EDA: variants seen among roughly 807,000 people sequenced by gnomAD.
EDA encodes ectodysplasin A, also known as ectodysplasin-A.
A neutral mutation model predicts 23.6 loss-of-function variants in EDA; 2 were observed. That is an observed-to-expected ratio of 0.08 (90% CI 0.03 to 0.27). The LOEUF is 0.27. EDA is among the 10% of genes least tolerant of loss of function. The pLI, the probability that EDA is intolerant of heterozygous loss-of-function variation, is 1.00. For synonymous variants in EDA, 131 were observed against 132.0 expected (o/e 0.99, Z 0.05); for missense variants, 229 against 324.2 (o/e 0.71, Z 2.26).
At chrX:69,899,544 T>G (rs866645862) in intron 1 of EDA, among the ~76,000 whole-genome samples, 2 of 106,646 alleles carry the variant, frequency 1.9e-5, no homozygotes, top group Non-Finnish European at 4.0e-5. Context: ...GTGTGTGTGT[T>G]TGTGTGCGTG....
At chrX:70,034,848 G>A (rs989080833) in intron 7 of EDA, among the ~76,000 whole-genome samples, 1 of 111,902 alleles carries the variant, frequency 8.9e-6, no homozygotes, top group Non-Finnish European at 1.9e-5. Context: ...GGGAGGGGTG[G>A]TGCAAGCTGA....
At chrX:69,699,166 G>A (rs1202149969) in intron 1 of EDA, among the ~76,000 whole-genome samples, 1 of 111,073 alleles carries the variant, frequency 9.0e-6, no homozygotes, top group Admixed American at 9.5e-5. Flanking sequence ...GAGGACAAGT[G>A]AGAATAGGGT....
At chrX:69,903,965 C>T (rs1282444210) in intron 1 of EDA, among the ~76,000 whole-genome samples, 1 of 109,507 alleles carries the variant, frequency 9.1e-6, no homozygotes, top group Non-Finnish European at 1.9e-5. Context: ...CGCCCACCAC[C>T]ATGCCTGGCT....
intron 1 of EDA, among the ~76,000 whole-genome samples, chrX:69,688,045 G>A (rs1020892343): frequency 9.0e-6 from 1 of 111,513 alleles, no homozygotes; most frequent in African/African-American, 3.3e-5. Context: ...GGGGGCCTTT[G>A]TACCCTACCC....
At chrX:69,685,312 C>A (rs759297004) in intron 1 of EDA, among the ~76,000 whole-genome samples, 1 of 112,093 alleles carries the variant, frequency 8.9e-6, no homozygotes, top group African/African-American at 3.2e-5. Context: ...TCCCTTGGAG[C>A]CAGTTAGCAA....
At chrX:69,755,134 C>T (rs187915820) in intron 1 of EDA, among the ~76,000 whole-genome samples, 15 of 111,754 alleles carry the variant, frequency 1.3e-4, no homozygotes, top group South Asian at 3.7e-4. Flanking sequence ...GGAGAAGAGG[C>T]GCTCTGATTT....
chrX:69,670,869 C>T (rs995011998), intron 1 of EDA, among the ~76,000 whole-genome samples: 2 of 111,520 alleles, frequency 1.8e-5, no homozygotes, highest in Non-Finnish European at 3.8e-5. Flanking sequence ...TGCTGAATTT[C>T]CTTAACATTA....
At chrX:69,881,560 C>G (rs189994721) in intron 1 of EDA, among the ~76,000 whole-genome samples, 2 of 112,053 alleles carry the variant, frequency 1.8e-5, no homozygotes, top group Non-Finnish European at 3.8e-5. Context: ...ATTCCTCAGC[C>G]AGATCCTTGG....
intron 6 of EDA, among the ~76,000 whole-genome samples, chrX:70,030,740 G>A (rs1380381978): frequency 2.7e-5 from 3 of 112,634 alleles, no homozygotes; most frequent in Non-Finnish European, 5.6e-5. Flanking sequence ...CACTGATGAC[G>A]GAGCTGAAAG....
At chrX:69,668,082 A>G in intron 1 of EDA, among the ~76,000 whole-genome samples, 1 of 112,170 alleles carries the variant, frequency 8.9e-6, no homozygotes, top group Non-Finnish European at 1.9e-5. Flanking sequence ...AAACAATATC[A>G]GGATCCTTCT....
At chrX:69,707,004 G>T (rs765905306) in intron 1 of EDA, among the ~76,000 whole-genome samples, 4 of 111,147 alleles carry the variant, frequency 3.6e-5, no homozygotes, top group Non-Finnish European at 3.8e-5. Flanking sequence ...GGCAGAGGAG[G>T]ATAAAGAGAA....
chrX:70,023,029 T>C (rs1454530708), intron 2 of EDA, 189 bp from the exon 3 acceptor site: 1 of 318,463 alleles, frequency 3.1e-6, no homozygotes, highest in Non-Finnish European at 5.7e-6. Context: ...GAAACTTTTG[T>C]GGCCTCAGGA....
intron 4 of EDA, among the ~76,000 whole-genome samples, chrX:70,028,679 T>A (rs2020154815): frequency 8.9e-6 from 1 of 112,792 alleles, no homozygotes; most frequent in South Asian, 3.7e-4. Flanking sequence ...CACTTGCCAT[T>A]CAAATGTCAT....
intron 1 of EDA, among the ~76,000 whole-genome samples, chrX:69,865,481 C>T (rs771039339): frequency 3.6e-5 from 4 of 111,104 alleles, no homozygotes; most frequent in African/African-American, 6.5e-5. Flanking sequence ...TGGGAGGCTA[C>T]GCCTGTCTCT....
intron 1 of EDA, among the ~76,000 whole-genome samples, chrX:69,902,857 ATC>A (rs1052777985): frequency 7.2e-5 from 8 of 111,646 alleles, no homozygotes; most frequent in Non-Finnish European, 1.5e-4. Context: ...CTGAGGAGGC[ATC>A]TCTCCCCATG....
At chrX:69,938,143 C>T in intron 1 of EDA, 1 of 672,675 alleles carries the variant, frequency 1.5e-6, no homozygotes, top group Admixed American at 3.5e-5. Context: ...TCCTCCTCCT[C>T]CCCCTGGCCA....
chrX:69,739,248 C>T (rs938099083), intron 1 of EDA, among the ~76,000 whole-genome samples: 1 of 110,980 alleles, frequency 9.0e-6, no homozygotes, highest in African/African-American at 3.3e-5. Context: ...CCCTGTTTAT[C>T]TTTGGTAAAC....
intron 1 of EDA, among the ~76,000 whole-genome samples, chrX:69,627,745 C>T (rs1055917742): frequency 2.7e-5 from 3 of 112,032 alleles, no homozygotes; most frequent in African/African-American, 9.7e-5. Context: ...ACCACTAGAC[C>T]TGAGCTTGGG....
At chrX:69,676,783 T>A (rs1934103343) in intron 1 of EDA, among the ~76,000 whole-genome samples, 1 of 111,276 alleles carries the variant, frequency 9.0e-6, no homozygotes, top group South Asian at 3.8e-4. Context: ...AGGCCCTCCA[T>A]AATATGAGCC....
Sources: gnomAD v4.1 joint callset for allele counts (sites outside exome capture counted in the v4.1 genomes callset) on GRCh38, gnomAD v4.1.1 for gene constraint, MANE v1.5 for transcripts, NCBI Gene and HGNC (gene_info 2026-07-23, HGNC 2026-07-21) for gene names.